The following HERC1 variants were observed in gnomAD, a reference collection of about 807,000 sequenced individuals.
HERC1 encodes the protein HECT and RLD domain containing E3 ubiquitin protein ligase family member 1, also known as probable E3 ubiquitin-protein ligase HERC1.
A neutral mutation model predicts 554.3 loss-of-function variants in HERC1; 160 were observed. The ratio of observed to expected loss-of-function variants is 0.29; its 90% CI spans 0.25 to 0.33. HERC1 has a LOEUF of 0.33. HERC1 is among the 10% of genes least tolerant of loss of function. HERC1 has a pLI of 1.00. For missense variants in HERC1, 4,919 were observed against 5,918.5 expected (o/e 0.83, Z 5.54); for synonymous variants, 2,175 against 2,131.7 (o/e 1.02, Z -0.56).
chr15:63,766,164 T>C (rs951867104), intron 2 of HERC1, among the ~76,000 whole-genome samples: 1 of 151,880 alleles, frequency 6.6e-6, no homozygotes, highest in African/African-American at 2.4e-5. Flanking sequence ...AATATTAAAA[T>C]GTATTTATAC....
intron 71 of HERC1, among the ~76,000 whole-genome samples, chr15:63,625,380 GGTAGAAGTGGCTGGCAGACTTT>G (rs1200454412): frequency 6.6e-6 from 1 of 152,124 alleles, no homozygotes; most frequent in Non-Finnish European, 1.5e-5. Flanking sequence ...AGAAATGGCT[GGTAGAAGTGGCTGGCAGACTTT>G]GTAGAAGTGG....
At chr15:63,642,926 A>T in intron 59 of HERC1, 31 bp downstream of exon 59, 1 of 1,263,888 alleles carries the variant, frequency 7.9e-7, no homozygotes, top group Non-Finnish European at 1.2e-6. Flanking sequence ...ACAAGCTTAC[A>T]CCCTATCATT....
Position 63,792,495 on chromosome 15 carries a change from A to T in HERC1, c.-26-16846T>A, listed in dbSNP as rs1055574238. Among the ~76,000 whole-genome samples the T allele has an allele frequency of 2.0e-5, 3 of 152,364 alleles. No individual in the cohort carries two copies. In the East Asian group the frequency reaches 5.8e-4, roughly 29 times the overall value. ...CAAAGCAGAATGAACGTGTGCTTCC[A>T]GGAGTTTGGAGTATCCCCAACTAAT... On this transcript the variant is annotated intron_variant, in intron 1 of 77. Coordinates refer to ENST00000443617, the MANE Select transcript of HERC1 (RefSeq NM_003922.4).
At chr15:63,802,818 A>G (rs16947456) in intron 1 of HERC1, among the ~76,000 whole-genome samples, 1,841 of 152,354 alleles carry the variant, frequency 0.012, 38 homozygotes, top group African/African-American at 0.043. Context: ...AGCTTTTAGC[A>G]TTCTCTAGGT....
chr15:63,829,012 A>G (rs2078035098), intron 1 of HERC1, among the ~76,000 whole-genome samples: 5 of 152,220 alleles, frequency 3.3e-5, no homozygotes, highest in African/African-American at 4.8e-5. Context: ...TACTTACTCT[A>G]TATCATGAAA....
rs11314964 is a variant in HERC1 at position 63,700,708 on chromosome 15, CAAAAAAAAA to C, written c.4637-1721_4637-1713del. On this transcript the variant is annotated intron_variant, in intron 25 of 77. Transcript: ENST00000443617. ...TGGGTGACAGGGCGAGACCCTGCCT[CAAAAAAAAA>C]AAAAAAAAAAAAAGCTTAATTTTCA... is the stretch of plus-strand genomic sequence containing the variant. 7.6e-4 allele frequency among the ~76,000 whole-genome samples: 49 copies of C among 64,582 alleles called. No homozygotes were observed. The Admixed American group carries it at 9.6e-3, about 13-fold the overall frequency. 42.4% of individuals were successfully genotyped at this position (64,582 alleles called of 152,430 possible). A position where few individuals can be genotyped will look rare whatever the true frequency, so the allele number is the denominator to read the frequency against.
intron 68 of HERC1, 56 bp from the exon 69 acceptor site, chr15:63,630,691 C>A (rs1194002495): frequency 2.3e-5 from 35 of 1,522,178 alleles, no homozygotes; most frequent in Admixed American, 2.0e-4. Context: ...CAACACAGTG[C>A]TTTTATATTT....
intron 62 of HERC1, 38 bp from the exon 63 acceptor site, chr15:63,638,574 A>C: frequency 1.9e-6 from 3 of 1,613,482 alleles, no homozygotes; most frequent in Non-Finnish European, 2.5e-6. Flanking sequence ...AGAGTCATCC[A>C]TTCACTCAAA....
At chr15:63,826,814 A>AAAAAATATAT (rs1567168622) in intron 1 of HERC1, among the ~76,000 whole-genome samples, 1 of 22,240 alleles carries the variant, frequency 4.5e-5, no homozygotes, top group African/African-American at 1.3e-4. Flanking sequence ...AAAAAAAAAA[A>AAAAAATATAT]ATATATATAT....
chr15:63,737,665 C>A (rs925642852), intron 12 of HERC1, among the ~76,000 whole-genome samples: 3 of 150,400 alleles, frequency 2.0e-5, no homozygotes, highest in East Asian at 3.9e-4. Flanking sequence ...CAGGCGTGAG[C>A]CACTGTGCCT....
chr15:63,740,390 T>C (rs1210239237), intron 12 of HERC1, among the ~76,000 whole-genome samples: 2 of 152,262 alleles, frequency 1.3e-5, no homozygotes, highest in Non-Finnish European at 2.9e-5. Context: ...GTTATTAACA[T>C]TCATGTACAA....
chr15:63,645,702 A>G lies in HERC1; in HGVS notation c.10879-20T>C, dbSNP rs148130477. 1.5e-4 allele frequency: 216 copies of G among 1,400,572 alleles called. No individual in the cohort carries two copies. The African/African-American group carries it at 2.7e-3, about 18-fold the overall frequency. 86.8% of individuals were successfully genotyped at this position (1,400,572 alleles called of 1,614,324 possible). ...AGTATCCTTAAAATGGAAGGAAGAG[A>G]AAAAAAATCAGAGTAATGTTTCCTT... On this transcript the variant is annotated intron_variant, in intron 55 of 77. Coordinates refer to ENST00000443617, the MANE Select transcript of HERC1 (RefSeq NM_003922.4).
intron 26 of HERC1, among the ~76,000 whole-genome samples, chr15:63,697,450 ATTTT>A (rs35244420): frequency 2.7e-4 from 29 of 108,460 alleles, no homozygotes; most frequent in Admixed American, 5.0e-4. Context: ...GTTAATCTTG[ATTTT>A]TTTTTTTTTT....
In HERC1 at chr15:63,624,220, T is replaced by C. The variant is rs1342500883; in HGVS notation, c.13383A>G (p.Gly4461=). Residue 4461 remains glycine (G), a synonymous_variant, in exon 72 of 78, where the codon GGA becomes GGG. Coordinates refer to ENST00000443617, the MANE Select transcript of HERC1 (RefSeq NM_003922.4). ...AGTTTTTGCCTTGAACCATGGTTTT[T>C]CCTATGGAGCGCACCATTGGCAGAG... ...VYTLPMVRSI[G]KTMVQGKNYG... 1 of 1,613,826 alleles carries C rather than the reference T, an allele frequency of 6.2e-7. No individual in the cohort carries two copies. The highest frequency in any genetic ancestry group is 1.3e-5 in the African/African-American group (1 of 74,936).
rs2074179616 is a variant in HERC1 at position 63,729,380 on chromosome 15, A to C, written c.3022-12T>G. 5.7e-6 allele frequency: 9 copies of C among 1,591,278 alleles called. No individual in the cohort carries two copies. The highest frequency in any genetic ancestry group is 1.4e-5 in the African/African-American group (1 of 73,484). The stretch of plus-strand genomic sequence containing the variant: ...ACACTGCTTGAGTTCTAAGAAGAAA[A>C]AAAGTTCCTAAATTACTACTTTGAA... On this transcript the variant is annotated splice_polypyrimidine_tract_variant and intron_variant, in intron 15 of 77. Transcript: ENST00000443617.
In HERC1 at chr15:63,829,417, T is replaced by C. The variant is rs2078051296; in HGVS notation, c.-27+4410A>G. The stretch of plus-strand genomic sequence containing the variant: ...CAGCCTGGGTGACAGAGTGAGGCCC[T>C]GTCTCAAAAAAGAAAGAAACGTCAG... On this transcript the variant is annotated intron_variant, in intron 1 of 77. Transcript: ENST00000443617. 2.0e-5 allele frequency among the ~76,000 whole-genome samples: 3 copies of C among 149,996 alleles called. No homozygotes were observed. The South Asian group carries it at 6.3e-4, about 32-fold the overall frequency.
chr15:63,639,242 TG>T, intron 61 of HERC1, among the ~76,000 whole-genome samples: 1 of 152,264 alleles, frequency 6.6e-6, no homozygotes, highest in Non-Finnish European at 1.5e-5. Flanking sequence ...AAACTGCATG[TG>T]TGAAGATGGT....
chr15:63,641,394 G>T, intron 60 of HERC1, 76 bp downstream of exon 60: 2 of 1,254,142 alleles, frequency 1.6e-6, no homozygotes, highest in Non-Finnish European at 2.2e-6. Context: ...GCTTTTAAGG[G>T]ATAAGTTCAA....
intron 1 of HERC1, among the ~76,000 whole-genome samples, chr15:63,782,365 T>C (rs1398743396): frequency 6.6e-6 from 1 of 152,240 alleles, no homozygotes. Flanking sequence ...AGAATTATTA[T>C]AAACCTACTC....
Sources: gnomAD v4.1 joint callset for allele counts (sites outside exome capture counted in the v4.1 genomes callset) on GRCh38, gnomAD v4.1.1 for gene constraint, MANE v1.5 for transcripts, NCBI Gene and HGNC (gene_info 2026-07-23, HGNC 2026-07-21) for gene names.